Variants in TERB2 observed in about 807,000 individuals in gnomAD.
TERB2 encodes the protein telomere repeat binding bouquet formation protein 2.
Under a neutral mutation model 29.8 loss-of-function variants are expected in TERB2, and 26 were observed. The ratio of observed to expected loss-of-function variants is 0.87; its 90% CI spans 0.64 to 1.21. The LOEUF (loss-of-function observed/expected upper bound fraction) is 1.21, where lower values mean the gene tolerates loss of function less well. Among genes scored for constraint, TERB2 ranks in the 50% most tolerant of loss-of-function variants. The probability of loss-of-function intolerance (pLI) is 0.00; values close to 1 mark genes in which losing one functional copy is unlikely to be tolerated. For missense variants in TERB2, 240 were observed against 268.6 expected (o/e 0.89, Z 0.74); for synonymous variants, 80 against 90.8 (o/e 0.88, Z 0.68).
At chr15:44,964,647 G>A (rs1310023162) in intron 4 of TERB2, among the ~76,000 whole-genome samples, 1 of 151,974 alleles carries the variant, frequency 6.6e-6, no homozygotes, top group Non-Finnish European at 1.5e-5. Flanking sequence ...TTACTAAAAC[G>A]TGCTTGTATG....
chr15:44,961,925 C>G (rs1891809976), intron 4 of TERB2, among the ~76,000 whole-genome samples: 1 of 152,122 alleles, frequency 6.6e-6, no homozygotes, highest in African/African-American at 2.4e-5. Context: ...TTCTCGAACT[C>G]TGGCCCTCAA....
intron 5 of TERB2, among the ~76,000 whole-genome samples, chr15:44,968,260 G>A (rs1011656758): frequency 2.6e-5 from 4 of 152,060 alleles, no homozygotes; most frequent in Non-Finnish European, 5.9e-5. Context: ...CTGTTGCCCA[G>A]GCTGGAGTGC....
At chr15:44,976,162 C>T (rs1453227372) in intron 6 of TERB2, 1 of 152,342 alleles carries the variant, frequency 6.6e-6, no homozygotes, top group Non-Finnish European at 1.5e-5. Context: ...TCCCAAAGTG[C>T]TGGGATTCCA....
At chr15:44,974,114 T>C (rs1432261482) in intron 6 of TERB2, among the ~76,000 whole-genome samples, 159 bp downstream of exon 6, 1 of 152,192 alleles carries the variant, frequency 6.6e-6, no homozygotes, top group Non-Finnish European at 1.5e-5. Flanking sequence ...ATAAATTACC[T>C]GCAGAATTGA....
chr15:44,957,617 C>T (rs1057174006), intron 2 of TERB2, among the ~76,000 whole-genome samples: 2 of 152,194 alleles, frequency 1.3e-5, no homozygotes, highest in African/African-American at 4.8e-5. Context: ...TGTAATTGTT[C>T]TTCATCCTCA....
Position 44,958,407 on chromosome 15 carries a change from G to T in TERB2, c.181G>T (p.Ala61Ser). ...YQSLDYIEDN[A>S]TVFHAYYLSA... ...GAGCCTTGATTACATAGAAGATAAT[G>T]CTACAGTTTTTCATGCCTACTATCT... Residue 61 changes from alanine (A) to serine (S), a missense_variant, in exon 3 of 7, where the codon GCT becomes TCT. Ala to Ser is a moderately conservative substitution (Grantham distance 99, BLOSUM62 1). Transcript: ENST00000340827. 6.2e-7 allele frequency: 1 copy of T among 1,613,818 alleles called. No individual in the cohort carries two copies. Among genetic ancestry groups the T allele is most frequent in the Non-Finnish European group, 8.5e-7 (1 of 1,179,952 alleles).
rs1283789143 is a variant in TERB2 at position 44,958,504 on chromosome 15, T to C, written c.278T>C (p.Leu93Pro). ...LGHFILPPAC[L>P]QKEIRRKIGS... Reference sequence around the variant, plus strand: ...CATTTCATTCTTCCTCCTGCGTGCCTGCAAAAAGGTTAGCAAAGATCATTC... The same window carrying C: ...CATTTCATTCTTCCTCCTGCGTGCCCGCAAAAAGGTTAGCAAAGATCATTC... Residue 93 changes from leucine (L) to proline (P), a missense_variant, in exon 3 of 7, where the codon CTG (leucine) becomes CCG (proline). Physicochemically the swap from Leu to Pro is moderately conservative, Grantham distance 98 (BLOSUM62 -3). Transcript: ENST00000340827. The C allele has an allele frequency of 6.2e-7, 1 of 1,609,662 alleles. No homozygotes were observed. The highest frequency in any genetic ancestry group is 8.5e-7 in the Non-Finnish European group (1 of 1,177,582).
At chr15:44,963,248 A>G (rs1207243435) in intron 4 of TERB2, among the ~76,000 whole-genome samples, 3 of 152,256 alleles carry the variant, frequency 2.0e-5, no homozygotes, top group African/African-American at 7.2e-5. Context: ...GCACCATTTA[A>G]CTAACTTAGC....
intron 2 of TERB2, among the ~76,000 whole-genome samples, chr15:44,957,261 AT>A (rs1317540810): frequency 6.6e-6 from 1 of 151,840 alleles, no homozygotes; most frequent in East Asian, 1.9e-4. Flanking sequence ...AAAATAAAAA[AT>A]AAATAAATAA....
At position 44,978,535 on chromosome 15, in the gene TERB2, T is replaced by G; in HGVS notation, c.570T>G (p.His190Gln). Residue 190 changes from histidine to glutamine, a missense_variant, in exon 7 of 7, where the codon CAT becomes CAG. Physicochemically the swap from His to Gln is conservative, Grantham distance 24. Coordinates refer to ENST00000340827, the MANE Select transcript of TERB2 (RefSeq NM_152448.3). ...DAMKKFLGEL[H>Q]DFIPGTSGYL... ...TGAAGAAATTCCTTGGGGAGCTACA[T>G]GACTTCATTCCTGGAACCTCAGGAT... 6.2e-7 allele frequency: 1 copy of G among 1,610,434 alleles called. No individual in the cohort carries two copies. Among genetic ancestry groups the G allele is most frequent in the Non-Finnish European group, 8.5e-7 (1 of 1,178,044 alleles).
intron 3 of TERB2, 71 bp downstream of exon 3, chr15:44,958,583 T>A (rs1891757270): frequency 7.1e-7 from 1 of 1,416,598 alleles, no homozygotes; most frequent in Admixed American, 2.4e-5. Context: ...AACAGCCAAA[T>A]TCAACTGTAC....
chr15:44,963,043 A>C (rs1472171261), intron 4 of TERB2: 1 of 152,242 alleles, frequency 6.6e-6, no homozygotes, highest in Non-Finnish European at 1.5e-5. Flanking sequence ...ATTTTCTTTT[A>C]CATAAATAGC....
Position 44,956,756 on chromosome 15 carries a change from T to A in TERB2, c.38T>A (p.Val13Asp). ...QGQRGWFCGS[V>D]SQDLRQFWVA... ...CAGCGCGGTTGGTTTTGCGGCAGCG[T>A]TAGCCAGGATCTGAGGCAATTCTGG... is the stretch of plus-strand genomic sequence containing the variant. Residue 13 changes from valine to aspartate, a missense_variant, in exon 1 of 7, where the codon GTT becomes GAT. Coordinates refer to ENST00000340827, the MANE Select transcript of TERB2 (RefSeq NM_152448.3). The A allele has an allele frequency of 6.2e-7, 1 of 1,613,584 alleles. No individual in the cohort carries two copies. Among genetic ancestry groups the A allele is most frequent in the South Asian group, 1.1e-5 (1 of 91,058 alleles).
intron 5 of TERB2, 101 bp downstream of exon 5, chr15:44,966,344 T>G (rs529009551): frequency 1.8e-6 from 1 of 561,592 alleles, no homozygotes; most frequent in South Asian, 6.2e-5. Context: ...TCCTATGAGA[T>G]AGATAGCATT....
At position 44,956,765 on chromosome 15, in the gene TERB2, A is replaced by G; in HGVS notation, c.47A>G (p.Asp16Gly). 6.2e-7 allele frequency: 1 copy of G among 1,613,852 alleles called. No homozygotes were observed. The highest frequency in any genetic ancestry group is 8.5e-7 in the Non-Finnish European group (1 of 1,179,890). The change falls in exon 1 of 7, where the codon GAT becomes GGT. Residue 16 changes from aspartate to glycine, a missense_variant. Transcript: ENST00000340827. ...RGWFCGSVSQDLRQFWVAEGG... is the reference protein window; with the variant it reads ...RGWFCGSVSQGLRQFWVAEGG... ...TGGTTTTGCGGCAGCGTTAGCCAGG[A>G]TCTGAGGCAATTCTGGGGTAGGAAG...
chr15:44,977,585 C>T lies in TERB2; in HGVS notation c.524-904C>T, dbSNP rs1892064263. Among the ~76,000 whole-genome samples the T allele has an allele frequency of 3.3e-5, 5 of 152,138 alleles. No individual in the cohort carries two copies. In the South Asian group the frequency reaches 1.0e-3, roughly 32 times the overall value. On this transcript the variant is annotated intron_variant, in intron 6 of 6. Coordinates refer to ENST00000340827, the MANE Select transcript of TERB2 (RefSeq NM_152448.3). The stretch of plus-strand genomic sequence containing the variant: ...CTTCAAGAGCTCCTAAAGTAAATGA[C>T]CATGATTAAAATATCTTTAAAGATA...
chr15:44,973,810 A>G, intron 5 of TERB2, 57 bp from the exon 6 acceptor site: 1 of 1,176,786 alleles, frequency 8.5e-7, no homozygotes, highest in Non-Finnish European at 1.1e-6. Flanking sequence ...TAAATGTAAT[A>G]CATATAGACA....
At chr15:44,962,585 T>A (rs1471724888) in intron 4 of TERB2, among the ~76,000 whole-genome samples, 2 of 152,128 alleles carry the variant, frequency 1.3e-5, no homozygotes, top group South Asian at 4.1e-4. Context: ...TCAATAAATG[T>A]GTACAAGAGT....
At chr15:44,966,784 G>A (rs1271606502) in intron 5 of TERB2, among the ~76,000 whole-genome samples, 2 of 152,086 alleles carry the variant, frequency 1.3e-5, no homozygotes, top group Admixed American at 6.6e-5. Flanking sequence ...TTTCCAAATT[G>A]CTTTAATATA....
Sources: allele counts gnomAD v4.1 joint callset (sites outside exome capture counted in the v4.1 genomes callset), GRCh38; gene constraint gnomAD v4.1.1; transcripts MANE v1.5; gene names NCBI Gene and HGNC (gene_info 2026-07-23, HGNC 2026-07-21).